The following CUX1 variants were observed in gnomAD, a reference collection of about 807,000 sequenced individuals.
The protein encoded by CUX1 is cut like homeobox 1.
Under a neutral mutation model 158.8 loss-of-function variants are expected in CUX1, and 31 were observed. The observed-to-expected ratio is 0.20, with a 90% CI of 0.15 to 0.26. The LOEUF (loss-of-function observed/expected upper bound fraction) is 0.26, where lower values mean the gene tolerates loss of function less well. Ranked by LOEUF, CUX1 falls within the 10% of genes least tolerant of loss-of-function variation. The pLI is 1.00. For missense variants in CUX1, 1,589 were observed against 2,014.6 expected, an observed-to-expected ratio of 0.79 and a Z score of 4.04; for synonymous variants, 879 against 862.1, an observed-to-expected ratio of 1.02 and a Z score of -0.34.
intron 2 of CUX1, among the ~76,000 whole-genome samples, chr7:101,926,685 C>T (rs192836651): frequency 1.8e-4 from 28 of 152,242 alleles, no homozygotes; most frequent in South Asian, 1.5e-3. Context: ...AGGAGTAGAA[C>T]GCATAACTAG....
chr7:102,241,310 T>G (rs1800183270), intron 23 of CUX1, among the ~76,000 whole-genome samples: 1 of 152,076 alleles, frequency 6.6e-6, no homozygotes, highest in Non-Finnish European at 1.5e-5. Context: ...AACCAAGAAT[T>G]CCAGGGCCCT....
At chr7:102,262,336 T>G (rs1790456317), downstream of CUX1, among the ~76,000 whole-genome samples, 1 of 151,882 alleles carries the variant, frequency 6.6e-6, no homozygotes, top group Non-Finnish European at 1.5e-5. Context: ...AGGCAGAGGT[T>G]GTAGTGAGCC....
At chr7:102,043,323 C>CTCTGTGTGTG (rs376535414) in intron 3 of CUX1, among the ~76,000 whole-genome samples, 3 of 139,068 alleles carry the variant, frequency 2.2e-5, no homozygotes, top group African/African-American at 5.3e-5. Context: ...CATTAGCTCA[C>CTCTGTGTGTG]TGTGTGTGTG....
chr7:102,248,686 G>C lies in CUX1; in HGVS notation c.4162G>C (p.Asp1388His). ...SGTPGPDDAR[D>H]DDHEGGPVEG... ...GACCCCGGGCCCGGACGACGCCCGC[G>C]ACGACGACCACGAGGGAGGCCCCGT... Residue 1388 changes from aspartate (D) to histidine (H), a missense_variant, in exon 24 of 24, where the codon GAC becomes CAC. Asp to His is a moderately conservative substitution (Grantham distance 81). Around this residue, in one of 8 missense-constraint regions of CUX1, gnomAD observed 344 missense variants for 323.7 expected, o/e 1.06. Transcript: ENST00000292535. This position sits in a 1 kb window ranked among gnomAD's most constrained non-coding sequence, Gnocchi z 5.8. 7.8e-7 allele frequency: 1 copy of C among 1,283,056 alleles called. No individual in the cohort carries two copies. Among genetic ancestry groups the C allele is most frequent in the Non-Finnish European group, 9.9e-7 (1 of 1,013,318 alleles). 79.5% of individuals were successfully genotyped at this position (1,283,056 alleles called of 1,614,324 possible).
chr7:102,088,584 A>C (rs1828190001), intron 4 of CUX1, among the ~76,000 whole-genome samples: 1 of 152,068 alleles, frequency 6.6e-6, no homozygotes. Context: ...CAGTGAGCTG[A>C]GATCGTGCCG....
At chr7:102,179,063 T>C (rs1554513151) in intron 11 of CUX1, among the ~76,000 whole-genome samples, 1 of 152,134 alleles carries the variant, frequency 6.6e-6, no homozygotes, top group Non-Finnish European at 1.5e-5. Context: ...TCATTTATTT[T>C]TGAGACAGAG....
chr7:101,979,377 A>C (rs1813123440), intron 2 of CUX1, among the ~76,000 whole-genome samples: 1 of 152,272 alleles, frequency 6.6e-6, no homozygotes, highest in African/African-American at 2.4e-5. Context: ...TGTTGGCAAA[A>C]GCCCAAGTTA....
intron 21 of CUX1, among the ~76,000 whole-genome samples, chr7:102,230,372 C>A (rs1798834060): frequency 6.6e-6 from 1 of 151,554 alleles, no homozygotes; most frequent in Non-Finnish European, 1.5e-5. Flanking sequence ...GTAATCCCTG[C>A]TGCTTGGGAG....
intron 1 of CUX1, among the ~76,000 whole-genome samples, chr7:101,830,368 C>G (rs913721174): frequency 9.9e-5 from 15 of 152,206 alleles, no homozygotes; most frequent in Admixed American, 6.5e-5. Context: ...AGCCTGGTCA[C>G]AGCGACATCC....
At chr7:102,030,835 G>A (rs1218936576) in intron 3 of CUX1, among the ~76,000 whole-genome samples, 1 of 151,698 alleles carries the variant, frequency 6.6e-6, no homozygotes, top group Non-Finnish European at 1.5e-5. Context: ...AGATAGCTGG[G>A]ACTATACATG....
intron 2 of CUX1, among the ~76,000 whole-genome samples, chr7:101,962,698 A>G (rs1321478883): frequency 2.6e-5 from 4 of 152,054 alleles, no homozygotes; most frequent in African/African-American, 4.8e-5. Context: ...CCATCATACC[A>G]TATTTCATCA....
intron 3 of CUX1, among the ~76,000 whole-genome samples, chr7:102,066,677 C>T (rs1336839148): frequency 6.6e-6 from 1 of 152,196 alleles, no homozygotes; most frequent in Non-Finnish European, 1.5e-5. Flanking sequence ...GGACAGCAGC[C>T]AGGGCGTCTG....
chr7:102,254,556 G>C lies in CUX1; in HGVS notation c.*5514G>C, dbSNP rs551561682. ...GTGGTTGGAGGTGGGTCTGTCCACT[G>C]TGGGGGCCAAAGTGTTCCCCTGCTG... is the stretch of plus-strand genomic sequence containing the variant. On this transcript the variant is annotated 3_prime_UTR_variant, in exon 24 of 24. Transcript: ENST00000292535. 28 of 985,534 alleles carry C rather than the reference G, an allele frequency of 2.8e-5. No homozygotes were observed. The East Asian group carries it at 5.7e-4, about 20-fold the overall frequency. 61.0% of individuals were successfully genotyped at this position (985,534 alleles called of 1,614,324 possible). A position where few individuals can be genotyped will look rare whatever the true frequency, so the allele number is the denominator to read the frequency against.
chr7:102,216,548 CCACACACGCACACACACT>C (rs1797095821), intron 20 of CUX1, among the ~76,000 whole-genome samples: 2 of 107,756 alleles, frequency 1.9e-5, no homozygotes, highest in African/African-American at 3.5e-5. Context: ...ACACACACAC[CCACACACGCACACACACT>C]CCCACACACA....
intron 1 of CUX1, among the ~76,000 whole-genome samples, chr7:101,846,310 T>A (rs1795681373): frequency 6.6e-6 from 1 of 152,098 alleles, no homozygotes; most frequent in South Asian, 2.1e-4. Context: ...CAAGCCGCTT[T>A]TAAATGCAAC....
chr7:102,034,716 G>A (rs1187487137), intron 3 of CUX1, among the ~76,000 whole-genome samples: 2 of 142,198 alleles, frequency 1.4e-5, no homozygotes, highest in Non-Finnish European at 3.0e-5. Context: ...TCGTGCCACT[G>A]CACTCCAGCC....
chr7:102,253,795 G>C lies in CUX1; in HGVS notation c.*4753G>C, dbSNP rs1288058237. 1.0e-6 allele frequency: 1 copy of C among 985,530 alleles called. No individual in the cohort carries two copies. Among genetic ancestry groups the C allele is most frequent in the Non-Finnish European group, 1.2e-6 (1 of 830,008 alleles). The allele number at this position is 985,530 out of a possible 1,614,324, so 61.0% of individuals were successfully genotyped here. A position where few individuals can be genotyped will look rare whatever the true frequency, so the allele number is the denominator to read the frequency against. ...TGTACAGGGCGAGATGTAGCAACAC[G>C]GGGCATGAGCGGTGGGCGTGCTGGG... On this transcript the variant is annotated 3_prime_UTR_variant, in exon 24 of 24. Coordinates refer to ENST00000292535, the MANE Select transcript of CUX1 (RefSeq NM_181552.4).
At chr7:102,277,005 T>C (rs1226787438) in intron 17 of CUX1, among the ~76,000 whole-genome samples, 6 of 152,116 alleles carry the variant, frequency 3.9e-5, no homozygotes, top group African/African-American at 1.4e-4. Context: ...CAAAAAAAAG[T>C]ATGAAGAAAT....
chr7:102,070,832 G>A (rs1158882502), intron 4 of CUX1, among the ~76,000 whole-genome samples: 1 of 152,166 alleles, frequency 6.6e-6, no homozygotes, highest in East Asian at 1.9e-4. Flanking sequence ...TCCCCTGCCA[G>A]GTCATCCAAG....
Sources: allele counts gnomAD v4.1 joint callset (sites outside exome capture counted in the v4.1 genomes callset), GRCh38; gene constraint gnomAD v4.1.1; regional missense constraint gnomAD v4.1.1; non-coding constraint Gnocchi (gnomAD v3.1); transcripts MANE v1.5; gene names NCBI Gene and HGNC (gene_info 2026-07-23, HGNC 2026-07-21).